DCAF4: variants seen among roughly 807,000 people sequenced by gnomAD.
DCAF4 encodes DDB1- and CUL4-associated factor 4.
Under a neutral mutation model 60.9 loss-of-function variants are expected in DCAF4, and 37 were observed. That is an observed-to-expected ratio of 0.61 (90% confidence interval 0.47 to 0.80). DCAF4 has a LOEUF of 0.80. Ranked by LOEUF, DCAF4 falls within the 30% of genes least tolerant of loss-of-function variation. The probability of loss-of-function intolerance (pLI) is 0.00; values close to 1 mark genes in which losing one functional copy is unlikely to be tolerated. For missense variants in DCAF4, 577 were observed against 650.0 expected (o/e 0.89, Z 1.22); for synonymous variants, 243 against 254.8 (o/e 0.95, Z 0.44).
intron 1 of DCAF4, among the ~76,000 whole-genome samples, chr14:72,934,566 AGGCGTGAACCACCACGCCG>A (rs1889010341): frequency 6.6e-6 from 1 of 152,176 alleles, no homozygotes; most frequent in Non-Finnish European, 1.5e-5. Flanking sequence ...CTGGGATTAC[AGGCGTGAACCACCACGCCG>A]GGCTTGCCTG....
chr14:72,928,442 G>A (rs975989189), intron 1 of DCAF4, among the ~76,000 whole-genome samples: 87 of 148,468 alleles, frequency 5.9e-4, no homozygotes, highest in Non-Finnish European at 8.7e-4. Flanking sequence ...TGATCCGCCC[G>A]CCTCGGCCTC....
At chr14:72,929,661 A>G in intron 1 of DCAF4, 2 of 1,341,092 alleles carry the variant, frequency 1.5e-6, no homozygotes, top group South Asian at 1.2e-5. Flanking sequence ...TACCTTGCTC[A>G]GCTCCTCCCG....
downstream of DCAF4, chr14:72,959,815 C>T (rs1324001760): frequency 1.6e-5 from 5 of 303,336 alleles, no homozygotes; most frequent in Non-Finnish European, 2.4e-5. Flanking sequence ...AAAAGACTCA[C>T]CTCTGGACTA....
chr14:72,932,348 G>T (rs2140191936), intron 1 of DCAF4, among the ~76,000 whole-genome samples: 1 of 152,230 alleles, frequency 6.6e-6, no homozygotes, highest in East Asian at 1.9e-4. Context: ...GGTAATACTG[G>T]CCTTATAAAA....
chr14:72,952,710 T>C (rs1891571945), intron 9 of DCAF4, among the ~76,000 whole-genome samples: 7 of 149,122 alleles, frequency 4.7e-5, no homozygotes, highest in Admixed American at 4.7e-4. Context: ...TTTTTTTTTT[T>C]TGAGACGGAG....
chr14:72,942,639 T>TGGGGCTCTTCCCAGCAGCGG (rs2031712524), intron 5 of DCAF4: 2 of 174,038 alleles, frequency 1.1e-5, no homozygotes, highest in Non-Finnish European at 2.3e-5. Flanking sequence ...AGCCGTATCC[T>TGGGGCTCTTCCCAGCAGCGG]GGGGCTCTTC....
At chr14:72,935,847 A>G (rs1356438029) in intron 1 of DCAF4, among the ~76,000 whole-genome samples, 1 of 152,246 alleles carries the variant, frequency 6.6e-6, no homozygotes, top group Non-Finnish European at 1.5e-5. Context: ...AATTCAACAA[A>G]TTAGAATCAT....
intron 8 of DCAF4, among the ~76,000 whole-genome samples, chr14:72,948,948 AATAAGCT>A (rs1486693534): frequency 6.6e-6 from 1 of 152,248 alleles, no homozygotes; most frequent in African/African-American, 2.4e-5. Flanking sequence ...TTTGAGTATA[AATAAGCT>A]GAGATTCAGC....
Position 72,938,077 on chromosome 14 carries a change from G to A in DCAF4, c.92+7G>A, listed in dbSNP as rs143663985. On this transcript the variant is annotated splice_region_variant and intron_variant, in intron 2 of 13. Coordinates refer to ENST00000358377, the MANE Select transcript of DCAF4 (RefSeq NM_015604.4). ...TCCGTGATTCTGAAGACAGGCAAGT[G>A]TGCCGCTCTGGGGAGCCACTTTTGC... 3,986 of 1,597,964 alleles carry A rather than the reference G, an allele frequency of 2.5e-3. 12 individuals are homozygous for A. The highest frequency in any genetic ancestry group is 6.5e-3 in the East Asian group (288 of 44,638).
chr14:72,939,693 G>A, intron 2 of DCAF4, 109 bp from the exon 3 acceptor site: 2 of 809,988 alleles, frequency 2.5e-6, no homozygotes, highest in Admixed American at 3.2e-5. Flanking sequence ...AGAAAGGTCA[G>A]AGATCAGAGG....
intron 6 of DCAF4, among the ~76,000 whole-genome samples, chr14:72,944,247 C>T (rs928606326): frequency 2.0e-5 from 3 of 152,114 alleles, no homozygotes; most frequent in East Asian, 1.9e-4. Flanking sequence ...CCGGTGTGAC[C>T]GCAGGGCCAG....
intron 8 of DCAF4, among the ~76,000 whole-genome samples, chr14:72,949,616 G>A (rs547252819): frequency 6.1e-4 from 93 of 152,204 alleles, no homozygotes; most frequent in African/African-American, 2.0e-3. Context: ...TTAGCCAGGT[G>A]TGGTGGCACG....
At chr14:72,942,947 A>G in intron 5 of DCAF4, 47 bp from the exon 6 acceptor site, 1 of 1,585,864 alleles carries the variant, frequency 6.3e-7, no homozygotes, top group Non-Finnish European at 8.6e-7. Context: ...AATCTTCTTC[A>G]TGGATGTCAG....
chr14:72,927,714 C>T (rs1484403416), intron 1 of DCAF4, among the ~76,000 whole-genome samples: 1 of 152,050 alleles, frequency 6.6e-6, no homozygotes, highest in African/African-American at 2.4e-5. Flanking sequence ...AATCCCTGTT[C>T]CACCATTTAA....
At chr14:72,953,778 TTATTTGTGTGTGTG>T (rs1303350167) in intron 9 of DCAF4, among the ~76,000 whole-genome samples, 9 of 32,382 alleles carry the variant, frequency 2.8e-4, no homozygotes, top group East Asian at 9.2e-4. Flanking sequence ...ATTTATTTAT[TTATTTGTGTGTGTG>T]TGTGTGTGTG....
At chr14:72,937,919 A>T (rs1388025169) in intron 1 of DCAF4, 52 bp from the exon 2 acceptor site, 60 of 1,506,648 alleles carry the variant, frequency 4.0e-5, no homozygotes, top group Non-Finnish European at 5.2e-5. Context: ...CAAACAGAAA[A>T]GCCCATGCCC....
In DCAF4 at chr14:72,955,562, T is replaced by A; in HGVS notation, c.1045T>A (p.Phe349Ile). 6.2e-7 allele frequency: 1 copy of A among 1,614,162 alleles called. No homozygotes were observed. Among genetic ancestry groups the A allele is most frequent in the Non-Finnish European group, 8.5e-7 (1 of 1,179,994 alleles). ...TAATGGCTGCCGCTCTGGGGAAATCTTTGCCATTGATCTGCGTTGTGGAAA... is the reference window on the plus strand; with the variant it reads ...TAATGGCTGCCGCTCTGGGGAAATCATTGCCATTGATCTGCGTTGTGGAAA... Reference protein sequence around the residue: ...LFNGCRSGEIFAIDLRCGNQG... With the variant: ...LFNGCRSGEIIAIDLRCGNQG... The change falls in exon 12 of 14, where the codon TTT becomes ATT. Residue 349 changes from phenylalanine to isoleucine, a missense_variant. Physicochemically the swap from Phe to Ile is conservative, Grantham distance 21. Coordinates refer to ENST00000358377, the MANE Select transcript of DCAF4 (RefSeq NM_015604.4).
rs1048753986 is a variant in DCAF4, at chr14:72,959,071, A to T, written c.*266A>T. 8 of 1,158,844 alleles carry T rather than the reference A, an allele frequency of 6.9e-6. 1 individual carries two copies. Among genetic ancestry groups the T allele is most frequent in the Admixed American group, 4.2e-5 (1 of 23,564 alleles). 71.8% of individuals were successfully genotyped at this position (1,158,844 alleles called of 1,614,324 possible). The stretch of plus-strand genomic sequence containing the variant: ...TTATTGAATTCTTAGAACTTAGTTA[A>T]CCCTCCCTGCCTTTTCTTAACAAAA... On this transcript the variant is annotated 3_prime_UTR_variant, in exon 14 of 14. Transcript: ENST00000358377.
At chr14:72,957,883 A>G (rs867705657) in intron 13 of DCAF4, 1 of 152,752 alleles carries the variant, frequency 6.5e-6, no homozygotes, top group Middle Eastern at 3.2e-3. Flanking sequence ...AGTCCTCAGA[A>G]CTGGAGCCCT....
Sources: gnomAD v4.1 joint callset for allele counts (sites outside exome capture counted in the v4.1 genomes callset) on GRCh38, gnomAD v4.1.1 for gene constraint, MANE v1.5 for transcripts, NCBI Gene and HGNC (gene_info 2026-07-23, HGNC 2026-07-21) for gene names.